Variants in VAV3 observed in about 807,000 individuals in gnomAD.
The protein encoded by VAV3 is guanine nucleotide exchange factor VAV3.
A neutral mutation model predicts 131.2 loss-of-function variants in VAV3; 94 were observed. The observed-to-expected ratio is 0.72, with a 90% CI of 0.61 to 0.85. The LOEUF (loss-of-function observed/expected upper bound fraction) is 0.85. Among genes scored for constraint, VAV3 ranks in the 40% least tolerant of loss-of-function variants. VAV3 has a pLI of 0.00. For synonymous variants in VAV3, 349 were observed against 342.0 expected (o/e 1.02, Z -0.22); for missense variants, 939 against 1,002.7 (o/e 0.94, Z 0.86).
intron 1 of VAV3, among the ~76,000 whole-genome samples, chr1:107,925,827 GA>G (rs1266869424): frequency 2.7e-5 from 4 of 150,496 alleles, no homozygotes; most frequent in African/African-American, 9.8e-5. Flanking sequence ...ATAAATCAAA[GA>G]AAAAATGTTA....
chr1:107,829,064 T>C (rs1668133866), intron 2 of VAV3, among the ~76,000 whole-genome samples: 1 of 152,328 alleles, frequency 6.6e-6, no homozygotes, highest in African/African-American at 2.4e-5. Flanking sequence ...ATGCACACTC[T>C]GCTTTCCTTT....
intron 2 of VAV3, among the ~76,000 whole-genome samples, chr1:107,863,004 G>T (rs755388169): frequency 7.9e-5 from 12 of 151,874 alleles, no homozygotes; most frequent in Non-Finnish European, 1.8e-4. Context: ...GAAAATTTAG[G>T]ATGGCACAAT....
chr1:107,862,346 C>CCT (rs1398470521), intron 2 of VAV3, among the ~76,000 whole-genome samples: 1 of 151,394 alleles, frequency 6.6e-6, no homozygotes, highest in African/African-American at 2.4e-5. Context: ...CCACACTACC[C>CCT]CTCTCACTGA....
chr1:107,903,922 C>T (rs1036106893), intron 1 of VAV3, among the ~76,000 whole-genome samples: 20 of 152,142 alleles, frequency 1.3e-4, no homozygotes, highest in African/African-American at 4.1e-4. Flanking sequence ...AACCCTCTGC[C>T]GCCTGCCTCA....
chr1:107,818,442 C>T (rs977156161), intron 2 of VAV3, among the ~76,000 whole-genome samples: 1 of 150,920 alleles, frequency 6.6e-6, no homozygotes, highest in South Asian at 2.1e-4. Flanking sequence ...ACGCAAATTC[C>T]GGAAAAGAGG....
At position 107,859,705 on chromosome 1, in the gene VAV3, T is replaced by C. The variant is rs554700975; in HGVS notation, c.321+15196A>G. On this transcript the variant is annotated intron_variant, in intron 2 of 26. Transcript: ENST00000370056. The stretch of plus-strand genomic sequence containing the variant: ...AATACATCAAAAATGATAATCACCT[T>C]TGGTAGATCATCAGAAAATTAAATT... 9.2e-5 allele frequency among the ~76,000 whole-genome samples: 14 copies of C among 152,238 alleles called. 1 individual carries two copies. In the South Asian group the frequency reaches 1.5e-3, roughly 16 times the overall value.
intron 25 of VAV3, among the ~76,000 whole-genome samples, chr1:107,584,382 G>A (rs1351960117): frequency 6.6e-6 from 1 of 152,092 alleles, no homozygotes; most frequent in African/African-American, 2.4e-5. Context: ...CAAAGCAATG[G>A]CAACAAAAGC....
intron 15 of VAV3, among the ~76,000 whole-genome samples, chr1:107,719,012 AG>A (rs1368992754): frequency 1.4e-4 from 21 of 152,228 alleles, no homozygotes; most frequent in Non-Finnish European, 2.6e-4. Context: ...ATATGTAGAA[AG>A]CTGAAACTGG....
rs117360839 is a variant in VAV3 at position 107,669,671 on chromosome 1, G to A, written c.1777+13817C>T. ...TTGGTGTTTCTGTTTTCCAGCATGA[G>A]GTTTACATTAGTTTTTTCTTTTTTT... On this transcript the variant is annotated intron_variant, in intron 19 of 26. Transcript: ENST00000370056. 4.3e-4 allele frequency among the ~76,000 whole-genome samples: 65 copies of A among 151,920 alleles called. No homozygotes were observed. In the East Asian group the frequency reaches 0.012, roughly 28 times the overall value.
At chr1:107,574,466 T>C (rs1649477532) in intron 25 of VAV3, among the ~76,000 whole-genome samples, 1 of 152,146 alleles carries the variant, frequency 6.6e-6, no homozygotes, top group South Asian at 2.1e-4. Context: ...CTAGTTTTTA[T>C]AAAAATGAAA....
intron 1 of VAV3, among the ~76,000 whole-genome samples, chr1:107,942,754 T>C (rs902623741): frequency 2.1e-4 from 32 of 152,234 alleles, no homozygotes; most frequent in Admixed American, 1.2e-3. Flanking sequence ...GCCTTTGTAA[T>C]CATCTTCTTA....
Position 107,617,634 on chromosome 1 carries a change from TA to T in VAV3, c.1915-3del. On this transcript the variant is annotated splice_polypyrimidine_tract_variant and splice_region_variant and intron_variant, in intron 20 of 26. Transcript: ENST00000370056. ...CTCTCCAGATGCTAAATTTCTGCCC[TA>T]AGGAAAAAAAAAAAATGCCAGTGTT... 1 of 1,580,570 alleles carries T rather than the reference TA, an allele frequency of 6.3e-7. No homozygotes were observed. The highest frequency in any genetic ancestry group is 8.6e-7 in the Non-Finnish European group (1 of 1,165,182).
At chr1:107,609,787 A>G in intron 22 of VAV3, 144 bp downstream of exon 22, 1 of 797,640 alleles carries the variant, frequency 1.3e-6, no homozygotes, top group East Asian at 2.6e-5. Context: ...ACATGAATTC[A>G]TTATGGTGTT....
intron 22 of VAV3, among the ~76,000 whole-genome samples, chr1:107,608,930 T>G (rs949861360): frequency 6.6e-6 from 1 of 152,262 alleles, no homozygotes; most frequent in African/African-American, 2.4e-5. Flanking sequence ...ATTCAGTCTT[T>G]TTAAGAGAAG....
intron 2 of VAV3, among the ~76,000 whole-genome samples, chr1:107,826,269 GCTC>G (rs1056259355): frequency 7.3e-5 from 11 of 150,312 alleles, no homozygotes; most frequent in African/African-American, 2.4e-4. Flanking sequence ...AGAATCATTT[GCTC>G]CATTACGCTA....
chr1:107,741,284 A>C (rs1198706258), intron 15 of VAV3, among the ~76,000 whole-genome samples: 1 of 152,222 alleles, frequency 6.6e-6, no homozygotes, highest in Non-Finnish European at 1.5e-5. Context: ...CTTTTGAAAC[A>C]CTCACTGGAG....
At chr1:107,578,742 G>A (rs1295511107) in intron 25 of VAV3, 1 of 984,442 alleles carries the variant, frequency 1.0e-6, no homozygotes, top group Non-Finnish European at 1.2e-6. Flanking sequence ...CCGAGTAGCT[G>A]GGACTGTTTT....
At chr1:107,920,948 C>T (rs979302998) in intron 1 of VAV3, among the ~76,000 whole-genome samples, 49 of 152,290 alleles carry the variant, frequency 3.2e-4, no homozygotes, top group African/African-American at 1.1e-3. Context: ...AAGCAAATAG[C>T]ATAAAATAAA....
chr1:107,798,616 G>A (rs887379505), intron 2 of VAV3, among the ~76,000 whole-genome samples: 27 of 151,014 alleles, frequency 1.8e-4, no homozygotes, highest in Admixed American at 1.7e-3. Context: ...CTACTCAGGA[G>A]GCTGAGGCAG....
Sources: gnomAD v4.1 joint callset for allele counts (sites outside exome capture counted in the v4.1 genomes callset) on GRCh38, gnomAD v4.1.1 for gene constraint, MANE v1.5 for transcripts, NCBI Gene and HGNC (gene_info 2026-07-23, HGNC 2026-07-21) for gene names.